PTPRK: variants seen among roughly 807,000 people sequenced by gnomAD.
PTPRK encodes protein tyrosine phosphatase receptor type K, also known as receptor-type tyrosine-protein phosphatase kappa.
PTPRK carries 75 observed loss-of-function variants against 178.0 expected under a neutral mutation model. The ratio of observed to expected loss-of-function variants is 0.42; its 90% CI spans 0.35 to 0.51. The LOEUF (loss-of-function observed/expected upper bound fraction) is 0.51, where lower values mean the gene tolerates loss of function less well. Ranked by LOEUF, PTPRK falls within the 20% of genes least tolerant of loss-of-function variation. The probability of loss-of-function intolerance (pLI) is 0.02; values close to 1 mark genes in which losing one functional copy is unlikely to be tolerated. For missense variants in PTPRK, 1,441 were observed against 1,797.8 expected (o/e 0.80, Z 3.59); for synonymous variants, 637 against 620.6 (o/e 1.03, Z -0.39).
chr6:128,067,266 A>G (rs1035683830), intron 12 of PTPRK, among the ~76,000 whole-genome samples: 4 of 152,088 alleles, frequency 2.6e-5, no homozygotes, highest in Non-Finnish European at 5.9e-5. Flanking sequence ...CTCAATTGCT[A>G]TTGTGGGCTT....
At chr6:127,985,595 T>A in intron 22 of PTPRK, 126 bp downstream of exon 22, 1 of 1,097,970 alleles carries the variant, frequency 9.1e-7, no homozygotes, top group South Asian at 2.2e-5. Context: ...CTGTTTTACT[T>A]TATCTATAAT....
intron 1 of PTPRK, among the ~76,000 whole-genome samples, chr6:128,401,082 G>A (rs1431484619): frequency 1.3e-5 from 2 of 152,128 alleles, no homozygotes; most frequent in East Asian, 3.9e-4. Context: ...AATTACTTCT[G>A]AAGAGCATTT....
At chr6:128,149,679 A>C (rs1796992160) in intron 7 of PTPRK, among the ~76,000 whole-genome samples, 1 of 152,166 alleles carries the variant, frequency 6.6e-6, no homozygotes. Context: ...TTGGTAAAGA[A>C]CCTAGCACTT....
chr6:128,293,784 A>T (rs17055574), intron 3 of PTPRK, among the ~76,000 whole-genome samples: 20,330 of 152,118 alleles, frequency 0.13, 2,241 homozygotes, highest in African/African-American at 0.3. Flanking sequence ...AATAAAACTA[A>T]CTGAGGAAAA....
At chr6:128,378,396 C>A (rs1837406844) in intron 2 of PTPRK, among the ~76,000 whole-genome samples, 2 of 152,156 alleles carry the variant, frequency 1.3e-5, no homozygotes, top group Non-Finnish European at 2.9e-5. Flanking sequence ...GATGTACATA[C>A]AAACAACAAT....
chr6:128,089,384 G>A (rs947579933), intron 8 of PTPRK, among the ~76,000 whole-genome samples: 1 of 152,190 alleles, frequency 6.6e-6, no homozygotes, highest in African/African-American at 2.4e-5. Context: ...ATAGTGCCAT[G>A]GAGAGTAAAA....
At chr6:128,454,113 C>T (rs536919958) in intron 1 of PTPRK, among the ~76,000 whole-genome samples, 70 of 152,272 alleles carry the variant, frequency 4.6e-4, no homozygotes, top group South Asian at 1.2e-3. Context: ...AAGAGACCTC[C>T]GTCCCTTGCC....
intron 1 of PTPRK, among the ~76,000 whole-genome samples, chr6:128,421,860 G>A (rs1422125404): frequency 6.6e-6 from 1 of 152,152 alleles, no homozygotes; most frequent in Non-Finnish European, 1.5e-5. Context: ...TTTGGGTTTC[G>A]TTAATGTTTT....
intron 7 of PTPRK, among the ~76,000 whole-genome samples, chr6:128,113,965 T>G (rs1026406674): frequency 6.6e-6 from 1 of 152,114 alleles, no homozygotes; most frequent in African/African-American, 2.4e-5. Context: ...AAGAAAACTG[T>G]AAAGAACTAT....
intron 1 of PTPRK, among the ~76,000 whole-genome samples, chr6:128,478,230 A>G (rs1303615998): frequency 4.6e-5 from 7 of 151,716 alleles, no homozygotes; most frequent in Non-Finnish European, 1.0e-4. Context: ...CCTTACTTAC[A>G]CTCTCCTTCC....
chr6:128,285,980 A>G (rs1466975645), intron 3 of PTPRK, among the ~76,000 whole-genome samples: 1 of 152,050 alleles, frequency 6.6e-6, no homozygotes, highest in Non-Finnish European at 1.5e-5. Context: ...GCCCTCTGGA[A>G]GATCCTACTG....
chr6:128,229,606 A>G (rs73590673), intron 5 of PTPRK, among the ~76,000 whole-genome samples: 1 of 152,190 alleles, frequency 6.6e-6, no homozygotes, highest in Non-Finnish European at 1.5e-5. Flanking sequence ...ATCTCACAGT[A>G]CCAGGTAGCA....
intron 3 of PTPRK, among the ~76,000 whole-genome samples, chr6:128,296,162 C>A (rs1243542996): frequency 6.6e-6 from 1 of 152,062 alleles, no homozygotes; most frequent in African/African-American, 2.4e-5. Context: ...TTGCTCACTG[C>A]CATCTAGCCA....
At chr6:128,432,842 A>G (rs1242900356) in intron 1 of PTPRK, among the ~76,000 whole-genome samples, 2 of 151,632 alleles carry the variant, frequency 1.3e-5, no homozygotes, top group African/African-American at 4.9e-5. Flanking sequence ...CGGTATTTTC[A>G]TTATTTTAAA....
chr6:128,211,967 C>T (rs1808272288), intron 6 of PTPRK, among the ~76,000 whole-genome samples: 1 of 151,998 alleles, frequency 6.6e-6, no homozygotes, highest in South Asian at 2.1e-4. Flanking sequence ...TATAGAGCTT[C>T]TGTTCAATTA....
At chr6:127,988,214 G>A (rs768890131) in intron 21 of PTPRK, among the ~76,000 whole-genome samples, 6 of 151,584 alleles carry the variant, frequency 4.0e-5, no homozygotes, top group Non-Finnish European at 5.9e-5. Flanking sequence ...GAGAGGAAGA[G>A]AGAGAAGAAA....
At chr6:127,992,100 T>G (rs549995979) in intron 19 of PTPRK, among the ~76,000 whole-genome samples, 12 of 151,972 alleles carry the variant, frequency 7.9e-5, no homozygotes, top group African/African-American at 2.4e-4. Flanking sequence ...TTTAGAGAGA[T>G]AACTACAGAT....
intron 2 of PTPRK, among the ~76,000 whole-genome samples, chr6:128,393,820 GTTT>G (rs935887987): frequency 7.9e-5 from 12 of 151,970 alleles, no homozygotes; most frequent in African/African-American, 2.7e-4. Context: ...GTGTGCATTG[GTTT>G]TTATTTTTTT....
At chr6:128,469,065 T>C (rs1171928618) in intron 1 of PTPRK, among the ~76,000 whole-genome samples, 1 of 152,202 alleles carries the variant, frequency 6.6e-6, no homozygotes, top group Non-Finnish European at 1.5e-5. Flanking sequence ...AAATGTACTT[T>C]TCACATTTGT....
Sources: allele counts gnomAD v4.1 joint callset (sites outside exome capture counted in the v4.1 genomes callset), GRCh38; gene constraint gnomAD v4.1.1; transcripts MANE v1.5; gene names NCBI Gene and HGNC (gene_info 2026-07-23, HGNC 2026-07-21).